Variants in GABRG3 observed in about 807,000 individuals in gnomAD.
GABRG3 encodes the protein gamma-aminobutyric acid receptor subunit gamma-3.
In GABRG3, 25 loss-of-function variants were observed where a neutral mutation model predicts 48.8. The observed-to-expected ratio is 0.51, with a 90% CI of 0.37 to 0.72. GABRG3 has a LOEUF of 0.72. Among genes scored for constraint, GABRG3 ranks in the 30% least tolerant of loss-of-function variants. The pLI, the probability that GABRG3 is intolerant of heterozygous loss-of-function variation, is 0.00. For synonymous variants in GABRG3, 227 were observed against 217.6 expected (o/e 1.04, Z -0.38); for missense variants, 394 against 577.9 (o/e 0.68, Z 3.26).
At chr15:27,309,868 T>A (rs1258843990) in intron 3 of GABRG3, among the ~76,000 whole-genome samples, 1 of 152,092 alleles carries the variant, frequency 6.6e-6, no homozygotes, top group Non-Finnish European at 1.5e-5. Context: ...TGTACATTAA[T>A]ATTTACAGCA....
chr15:27,495,277 C>T (rs8026238), intron 6 of GABRG3, among the ~76,000 whole-genome samples: 106,277 of 152,124 alleles, frequency 0.7, 37,522 homozygotes, highest in East Asian at 0.86. Context: ...TGTTCATCCA[C>T]GTTGTAGCCA....
intron 3 of GABRG3, among the ~76,000 whole-genome samples, chr15:27,134,244 A>C (rs1897968450): frequency 6.6e-6 from 1 of 152,198 alleles, no homozygotes; most frequent in African/African-American, 2.4e-5. Context: ...CATTAACTTA[A>C]GCATACACTT....
intron 3 of GABRG3, among the ~76,000 whole-genome samples, chr15:27,126,346 G>A (rs757244014): frequency 2.1e-4 from 32 of 152,178 alleles, no homozygotes; most frequent in Admixed American, 3.3e-4. Context: ...AGGGACTCGC[G>A]ATTAGGTCTT....
chr15:27,167,353 G>A (rs1201913589), intron 3 of GABRG3, among the ~76,000 whole-genome samples: 2 of 152,180 alleles, frequency 1.3e-5, no homozygotes. Context: ...TGTAGCTCCC[G>A]TGAGAAAGGC....
intron 3 of GABRG3, among the ~76,000 whole-genome samples, chr15:27,300,913 G>A (rs550677439): frequency 6.6e-6 from 1 of 152,198 alleles, no homozygotes; most frequent in Admixed American, 6.5e-5. Context: ...GTTGCGGTAA[G>A]CCAAGATCGC....
At chr15:27,260,804 C>G (rs561799372) in intron 3 of GABRG3, among the ~76,000 whole-genome samples, 95 of 152,104 alleles carry the variant, frequency 6.2e-4, no homozygotes, top group Non-Finnish European at 1.2e-3. Context: ...GAAGGGGCCC[C>G]AGGTGTTGCT....
intron 5 of GABRG3, among the ~76,000 whole-genome samples, chr15:27,451,522 A>C (rs1014380343): frequency 3.3e-5 from 5 of 152,186 alleles, no homozygotes; most frequent in Admixed American, 2.6e-4. Context: ...ATCTCACACC[A>C]TATACAAAAA....
intron 2 of GABRG3, among the ~76,000 whole-genome samples, chr15:27,017,297 G>A (rs4887544): frequency 0.5 from 76,046 of 151,906 alleles, 19,906 homozygotes; most frequent in Middle Eastern, 0.62. Context: ...TCGAAGAACC[G>A]CAATTACTTT....
chr15:27,314,344 A>C (rs1893138809), intron 3 of GABRG3, among the ~76,000 whole-genome samples: 2 of 152,184 alleles, frequency 1.3e-5, no homozygotes, highest in African/African-American at 4.8e-5. Context: ...GGGACATGCA[A>C]ATCAAGACCG....
rs150641927 is a variant in GABRG3, at chr15:27,523,385, T to C, written c.865+3261T>C. On this transcript the variant is annotated intron_variant, in intron 7 of 9. Transcript: ENST00000615808. ...CAGAAATTTTAATTTAATTTATTAG[T>C]CTTTATATTAATATTTTTGTTCTAA... is the stretch of plus-strand genomic sequence containing the variant. Among the ~76,000 whole-genome samples the C allele has an allele frequency of 8.6e-3, 1,300 of 151,824 alleles. 8 individuals carry two copies. The highest frequency in any genetic ancestry group is 0.037 in the Middle Eastern group (11 of 294).
At chr15:27,423,708 G>A (rs1888201496) in intron 5 of GABRG3, among the ~76,000 whole-genome samples, 1 of 135,962 alleles carries the variant, frequency 7.4e-6, no homozygotes, top group Non-Finnish European at 1.6e-5. Context: ...ACCACACCTG[G>A]CTTTTTCTTT....
chr15:27,288,520 C>G (rs1245459205), intron 3 of GABRG3, among the ~76,000 whole-genome samples: 1 of 151,906 alleles, frequency 6.6e-6, no homozygotes, highest in Non-Finnish European at 1.5e-5. Flanking sequence ...AGGGTTCATG[C>G]TCCTCTAAGA....
In GABRG3 at chr15:27,465,980, T is replaced by C. The variant is rs539385575; in HGVS notation, c.575-14670T>C. Among the ~76,000 whole-genome samples, 616 of 152,298 alleles carry C rather than the reference T, an allele frequency of 4.0e-3. 3 individuals are homozygous for C. The highest frequency in any genetic ancestry group is 0.014 in the Middle Eastern group (4 of 294). ...ACTGTTGTAGACCACCCTGTTGTAT[T>C]TTAAAAAGATAAAGCCCCAAGAGAT... is the stretch of plus-strand genomic sequence containing the variant. On this transcript the variant is annotated intron_variant, in intron 5 of 9. Coordinates refer to ENST00000615808, the MANE Select transcript of GABRG3 (RefSeq NM_033223.5).
rs1376282588 is a variant in GABRG3, at chr15:27,538,683, T to C, written c.*5802T>C. On this transcript the variant is annotated 3_prime_UTR_variant, in exon 10 of 10. Coordinates refer to ENST00000615808, the MANE Select transcript of GABRG3 (RefSeq NM_033223.5). The stretch of plus-strand genomic sequence containing the variant: ...AGAACATTGATTGCCAATAATTAAA[T>C]GCCCCAGACTGAGCAGGTAGCTGCT... The C allele has an allele frequency of 1.3e-5, 2 of 152,216 alleles. No homozygotes were observed. The highest frequency in any genetic ancestry group is 4.8e-5 in the African/African-American group (2 of 41,460). The allele number at this position is 152,216 out of a possible 1,614,324, so 9.4% of individuals were successfully genotyped here.
At chr15:27,102,831 G>A (rs1431687242) in intron 3 of GABRG3, among the ~76,000 whole-genome samples, 1 of 152,114 alleles carries the variant, frequency 6.6e-6, no homozygotes, top group Non-Finnish European at 1.5e-5. Context: ...TAATTTGTAT[G>A]TGTTGATACT....
intron 5 of GABRG3, among the ~76,000 whole-genome samples, chr15:27,478,766 G>A (rs1372199546): frequency 6.6e-6 from 1 of 152,138 alleles, no homozygotes; most frequent in Non-Finnish European, 1.5e-5. Context: ...CTGATGAATG[G>A]ATAAACAAAA....
chr15:27,157,200 G>C (rs766457830), intron 3 of GABRG3, among the ~76,000 whole-genome samples: 1 of 152,144 alleles, frequency 6.6e-6, no homozygotes, highest in Non-Finnish European at 1.5e-5. Flanking sequence ...ACTTATATTT[G>C]GGAAAAGAAA....
At chr15:27,295,669 G>T (rs1891957789) in intron 3 of GABRG3, among the ~76,000 whole-genome samples, 1 of 152,192 alleles carries the variant, frequency 6.6e-6, no homozygotes, top group Non-Finnish European at 1.5e-5. Context: ...GAAGTTCTAG[G>T]CAGGCCTACA....
chr15:27,018,968 A>T (rs1272150637), intron 2 of GABRG3, among the ~76,000 whole-genome samples: 1 of 152,064 alleles, frequency 6.6e-6, no homozygotes, highest in East Asian at 1.9e-4. Context: ...TGTTTAAAAA[A>T]TTCTTGAAAG....
Sources: gnomAD v4.1 joint callset for allele counts (sites outside exome capture counted in the v4.1 genomes callset) on GRCh38, gnomAD v4.1.1 for gene constraint, MANE v1.5 for transcripts, NCBI Gene and HGNC (gene_info 2026-07-23, HGNC 2026-07-21) for gene names.